The following SOD2 variants were observed in gnomAD, a reference collection of about 807,000 sequenced individuals.
SOD2 encodes the protein superoxide dismutase [Mn], mitochondrial.
A neutral mutation model predicts 27.0 loss-of-function variants in SOD2; 11 were observed. That is an observed-to-expected ratio of 0.41 (90% CI 0.26 to 0.67). SOD2 has a LOEUF of 0.67. Among genes scored for constraint, SOD2 ranks in the 30% least tolerant of loss-of-function variants. SOD2 has a pLI of 0.34. For synonymous variants in SOD2, 105 were observed against 103.0 expected (o/e 1.02, Z -0.12); for missense variants, 250 against 274.5 (o/e 0.91, Z 0.63).
intron 2 of SOD2, 137 bp downstream of exon 2, chr6:159,692,524 A>G: frequency 1.4e-6 from 2 of 1,481,246 alleles, no homozygotes; most frequent in Non-Finnish European, 1.8e-6. Context: ...AAGAGAGACT[A>G]TCGTGCCTGG....
At chr6:159,699,141 C>A (rs1282459938) in intron 1 of SOD2, among the ~76,000 whole-genome samples, 1 of 152,164 alleles carries the variant, frequency 6.6e-6, no homozygotes, top group Non-Finnish European at 1.5e-5. Flanking sequence ...AGATTTGAAA[C>A]TTTCTTCCTC....
upstream of SOD2, chr6:159,749,013 G>A (rs1383808844): frequency 5.9e-6 from 6 of 1,009,284 alleles, no homozygotes; most frequent in Admixed American, 5.9e-5. Context: ...ATAGATGTCC[G>A]TACAAGTAGC....
Position 159,692,628 on chromosome 6 carries a change from G to A in SOD2, c.226+33C>T, listed in dbSNP as rs1283268805. The A allele has an allele frequency of 2.5e-6, 4 of 1,609,924 alleles. No individual in the cohort carries two copies. In the Admixed American group the frequency reaches 5.0e-5, roughly 20 times the overall value. On this transcript the variant is annotated intron_variant, in intron 2 of 4. Transcript: ENST00000538183. Reference sequence around the variant, plus strand: ...GGCTCCCTGGGGTCGCCTCTGCCGGGGACTGCCTCCCGCCGCTCAGCCTGG... The same window carrying A: ...GGCTCCCTGGGGTCGCCTCTGCCGGAGACTGCCTCCCGCCGCTCAGCCTGG...
At chr6:159,709,866 C>A (rs1467408612) in intron 1 of SOD2, among the ~76,000 whole-genome samples, 1 of 151,952 alleles carries the variant, frequency 6.6e-6, no homozygotes, top group Non-Finnish European at 1.5e-5. Flanking sequence ...TGGAGCCAAC[C>A]CAAATGTCCA....
chr6:159,699,038 G>T (rs1034072202), intron 1 of SOD2, among the ~76,000 whole-genome samples: 1 of 151,986 alleles, frequency 6.6e-6, no homozygotes, highest in Non-Finnish European at 1.5e-5. Context: ...TGTTAAACCT[G>T]TGTAGCTCCG....
At chr6:159,685,219 CTTTT>C (rs750824041) in intron 3 of SOD2, among the ~76,000 whole-genome samples, 186 bp from the exon 4 acceptor site, 7 of 73,916 alleles carry the variant, frequency 9.5e-5, no homozygotes, top group African/African-American at 1.6e-4. Context: ...ATAACTTCAA[CTTTT>C]TTTTTTTTTT....
At chr6:159,758,108 GT>G (rs763374153) in intron 1 of SOD2, among the ~76,000 whole-genome samples, 3 of 152,270 alleles carry the variant, frequency 2.0e-5, no homozygotes, top group East Asian at 3.9e-4. Flanking sequence ...GATAAGAGAG[GT>G]GATAGAGTGG....
At chr6:159,710,994 A>AGG (rs1777737041) in intron 1 of SOD2, among the ~76,000 whole-genome samples, 1 of 76,710 alleles carries the variant, frequency 1.3e-5, no homozygotes, top group Non-Finnish European at 3.0e-5. Flanking sequence ...CACCACTCAC[A>AGG]CTGCTCTGAC....
intron 2 of SOD2, chr6:159,690,915 A>C (rs939178425): frequency 6.6e-6 from 1 of 152,052 alleles, no homozygotes; most frequent in African/African-American, 2.4e-5. Context: ...TAAAAGTCAA[A>C]TGCTTTTTGT....
intron 1 of SOD2, chr6:159,738,944 TG>T: frequency 6.9e-7 from 1 of 1,453,030 alleles, no homozygotes; most frequent in Non-Finnish European, 9.6e-7. Context: ...TAGAACTTTG[TG>T]TCTTCAGGAA....
intron 1 of SOD2, chr6:159,753,252 T>C (rs1443693772): frequency 4.8e-6 from 3 of 627,694 alleles, no homozygotes; most frequent in African/African-American, 1.8e-5. Flanking sequence ...TGGGCACTTT[T>C]TGTTTAGGGT....
intron 1 of SOD2, among the ~76,000 whole-genome samples, chr6:159,702,654 CAAAAA>C (rs750073120): frequency 2.5e-5 from 1 of 39,834 alleles, no homozygotes; most frequent in African/African-American, 7.8e-5. Flanking sequence ...TCTATCTCTC[CAAAAA>C]AAAAAAAAAA....
chr6:159,718,925 C>T (rs1168200475), intron 1 of SOD2, among the ~76,000 whole-genome samples: 5 of 152,136 alleles, frequency 3.3e-5, no homozygotes, highest in South Asian at 2.1e-4. Context: ...CTCTTGAGAG[C>T]GTCGTGGATT....
chr6:159,749,179 A>G (rs1779731784), upstream of SOD2: 8 of 985,940 alleles, frequency 8.1e-6, no homozygotes, highest in Non-Finnish European at 9.6e-6. Context: ...ATCAAACTTC[A>G]GGTTGAAACT....
intron 4 of SOD2, among the ~76,000 whole-genome samples, chr6:159,684,571 C>G (rs1300684523): frequency 6.6e-6 from 1 of 151,968 alleles, no homozygotes; most frequent in Non-Finnish European, 1.5e-5. Context: ...GAACCGAGAT[C>G]GCACCACTGC....
chr6:159,713,318 C>G, intron 1 of SOD2: 5 of 657,442 alleles, frequency 7.6e-6, no homozygotes, highest in Non-Finnish European at 1.1e-5. Context: ...CTTTTCAAAC[C>G]CAGCTCCTCT....
chr6:159,684,764 C>CAAAT, intron 4 of SOD2, 90 bp downstream of exon 4: 1 of 1,063,948 alleles, frequency 9.4e-7, no homozygotes, highest in Non-Finnish European at 1.3e-6. Context: ...ATTACATGTT[C>CAAAT]TTAAAACACT....
upstream of SOD2, among the ~76,000 whole-genome samples, chr6:159,729,187 G>C (rs1770336073): frequency 6.6e-6 from 1 of 152,150 alleles, no homozygotes; most frequent in African/African-American, 2.4e-5. Context: ...GAATCCCCTT[G>C]AATATATTGT....
intron 3 of SOD2, 108 bp downstream of exon 3, chr6:159,688,018 A>C (rs1156289808): frequency 2.1e-5 from 15 of 727,818 alleles, no homozygotes; most frequent in Non-Finnish European, 3.6e-5. Context: ...GTCTCAAAAA[A>C]ACAACAACAA....
Sources: allele counts gnomAD v4.1 joint callset (sites outside exome capture counted in the v4.1 genomes callset), GRCh38; gene constraint gnomAD v4.1.1; transcripts MANE v1.5; gene names NCBI Gene and HGNC (gene_info 2026-07-23, HGNC 2026-07-21).